Variants in INPP5D observed in about 807,000 individuals in gnomAD.
INPP5D encodes the protein phosphatidylinositol 3,4,5-trisphosphate 5-phosphatase 1.
INPP5D carries 33 observed loss-of-function variants against 122.9 expected under a neutral mutation model. The ratio of observed to expected loss-of-function variants is 0.27; its 90% CI spans 0.20 to 0.36. The LOEUF (loss-of-function observed/expected upper bound fraction) is 0.36. Ranked by LOEUF, INPP5D falls within the 10% of genes least tolerant of loss-of-function variation. The pLI is 1.00. For synonymous variants in INPP5D, 584 were observed against 576.2 expected (o/e 1.01, Z -0.19); for missense variants, 1,053 against 1,412.7 (o/e 0.75, Z 4.08).
intron 21 of INPP5D, among the ~76,000 whole-genome samples, chr2:233,186,750 T>G (rs11692918): frequency 0.2 from 22,514 of 110,326 alleles, 2,631 homozygotes; most frequent in East Asian, 0.38. Flanking sequence ...TGAGACAGAG[T>G]CTTGCTCTGT....
At chr2:233,184,232 G>A (rs1694852191) in intron 19 of INPP5D, among the ~76,000 whole-genome samples, 176 bp from the exon 20 acceptor site, 1 of 152,188 alleles carries the variant, frequency 6.6e-6, no homozygotes, top group South Asian at 2.1e-4. Flanking sequence ...GCATCAGAGA[G>A]GTTGAGGATG....
Position 233,170,479 on chromosome 2 carries a change from G to A in INPP5D, c.1792-17G>A, listed in dbSNP as rs1233070511. 3 of 1,613,628 alleles carry A rather than the reference G, an allele frequency of 1.9e-6. No individual in the cohort carries two copies. Among genetic ancestry groups the A allele is most frequent in the Non-Finnish European group, 2.5e-6 (3 of 1,179,756 alleles). On this transcript the variant is annotated splice_polypyrimidine_tract_variant and intron_variant, in intron 15 of 26. Transcript: ENST00000445964. This position sits in a 1 kb window ranked among gnomAD's most constrained non-coding sequence, Gnocchi z 4.5. The stretch of plus-strand genomic sequence containing the variant: ...GCAGGGCTTCTCACCAGAGGCCCGG[G>A]CATGTTCTTGTTCCAGGAGGCAGAA...
chr2:233,153,561 A>G (rs1197200244), intron 9 of INPP5D, among the ~76,000 whole-genome samples: 1 of 152,154 alleles, frequency 6.6e-6, no homozygotes, highest in Non-Finnish European at 1.5e-5. Context: ...AGAGACACTG[A>G]CTCACACAAA....
chr2:233,076,547 T>C (rs1691524759), intron 1 of INPP5D: 1 of 152,226 alleles, frequency 6.6e-6, no homozygotes. Flanking sequence ...GTACCCATGA[T>C]GCAAAAGCCA....
At chr2:233,084,517 T>A (rs2106214949) in intron 2 of INPP5D, among the ~76,000 whole-genome samples, 1 of 152,360 alleles carries the variant, frequency 6.6e-6, no homozygotes, top group Admixed American at 6.5e-5. Context: ...CCCTGGTCCC[T>A]GACGGTGGCT....
rs34144613 is a variant in INPP5D, at chr2:233,123,452, C to CAAAAA, written c.349+1208_349+1212dup. Among the ~76,000 whole-genome samples the CAAAAA allele has an allele frequency of 4.2e-3, 498 of 117,726 alleles. 3 individuals carry two copies. Among genetic ancestry groups the CAAAAA allele is most frequent in the East Asian group, 0.015 (58 of 3,742 alleles). 77.2% of individuals were successfully genotyped at this position (117,726 alleles called of 152,430 possible). A position where few individuals can be genotyped will look rare whatever the true frequency, so the allele number is the denominator to read the frequency against. The stretch of plus-strand genomic sequence containing the variant: ...CTGGCAACAGAGGGAGACTCCGTCT[C>CAAAAA]AAAAAAAAAAAAAAAAATTATACAG... On this transcript the variant is annotated intron_variant, in intron 3 of 26. Coordinates refer to ENST00000445964, the MANE Select transcript of INPP5D (RefSeq NM_001017915.3).
intron 2 of INPP5D, among the ~76,000 whole-genome samples, chr2:233,081,980 GAC>G (rs747667394): frequency 7.7e-4 from 118 of 152,272 alleles, no homozygotes; most frequent in Middle Eastern, 6.8e-3. Flanking sequence ...CAGAGATGGG[GAC>G]AGAGTCGTGG....
chr2:233,084,118 G>A lies in INPP5D; in HGVS notation c.198+4720G>A, dbSNP rs1193871596. On this transcript the variant is annotated intron_variant, in intron 2 of 26. Coordinates refer to ENST00000445964, the MANE Select transcript of INPP5D (RefSeq NM_001017915.3). ...AGACCAGGCTGGAGTGCAGTGGCGC[G>A]ACCTCGGCTCACTGCAACCTCTGCT... Among the ~76,000 whole-genome samples the A allele has an allele frequency of 2.0e-5, 3 of 152,138 alleles. No individual in the cohort carries two copies. In the South Asian group the frequency reaches 6.2e-4, roughly 31 times the overall value.
At chr2:233,150,271 G>A (rs570575723) in intron 9 of INPP5D, among the ~76,000 whole-genome samples, 22 of 152,300 alleles carry the variant, frequency 1.4e-4, no homozygotes, top group African/African-American at 4.8e-4. Flanking sequence ...TCTCATGGTA[G>A]TGAATAAATC....
At chr2:233,146,554 C>T (rs548535888) in intron 8 of INPP5D, 116 bp downstream of exon 8, 22 of 683,878 alleles carry the variant, frequency 3.2e-5, no homozygotes, top group South Asian at 1.8e-4. Context: ...GAGCAGGGAG[C>T]GCATTAGCCA....
At chr2:233,104,955 A>T (rs951779516) in intron 2 of INPP5D, among the ~76,000 whole-genome samples, 1 of 152,168 alleles carries the variant, frequency 6.6e-6, no homozygotes, top group Non-Finnish European at 1.5e-5. Flanking sequence ...GCCTGATCTC[A>T]CAGGAGCTGT....
intron 2 of INPP5D, among the ~76,000 whole-genome samples, chr2:233,092,845 C>T (rs908675380): frequency 3.3e-5 from 5 of 152,178 alleles, no homozygotes; most frequent in Non-Finnish European, 5.9e-5. Context: ...GTGGCTCCCA[C>T]GTAGCCAGGG....
At chr2:233,161,071 A>G (rs1004604070) in intron 10 of INPP5D, among the ~76,000 whole-genome samples, 1 of 152,102 alleles carries the variant, frequency 6.6e-6, no homozygotes, top group Non-Finnish European at 1.5e-5. Flanking sequence ...ACACTGTGAT[A>G]TTCTAGTTTA....
At position 233,082,019 on chromosome 2, in the gene INPP5D, G is replaced by A. The variant is rs1303934690; in HGVS notation, c.198+2621G>A. On this transcript the variant is annotated intron_variant, in intron 2 of 26. Transcript: ENST00000445964. The surrounding 1 kb of genome is among the most constrained non-coding windows in gnomAD (Gnocchi z 4.7). ...GGCAGCGTGCCTCCTTAAGGTCTCC[G>A]CTTAGCCAGGACAGTGGGCGGGCAG... Among the ~76,000 whole-genome samples, 2 of 152,098 alleles carry A rather than the reference G, an allele frequency of 1.3e-5. No homozygotes were observed. Among genetic ancestry groups the A allele is most frequent in the East Asian group, 1.9e-4 (1 of 5,186 alleles).
Position 233,124,754 on chromosome 2 carries a change from C to T in INPP5D, c.350-991C>T, listed in dbSNP as rs560818392. ...GGCATGGCTGTCTGGAGGAAGATCC[C>T]GACAAGTTTCTGTGAGGGCTGAAAA... On this transcript the variant is annotated intron_variant, in intron 3 of 26. Coordinates refer to ENST00000445964, the MANE Select transcript of INPP5D (RefSeq NM_001017915.3). Among the ~76,000 whole-genome samples the T allele has an allele frequency of 2.2e-4, 33 of 152,374 alleles. No individual in the cohort carries two copies. In the East Asian group the frequency reaches 6.0e-3, roughly 28 times the overall value.
chr2:233,172,308 G>A (rs1460447056), intron 17 of INPP5D, among the ~76,000 whole-genome samples: 1 of 152,222 alleles, frequency 6.6e-6, no homozygotes, highest in African/African-American at 2.4e-5. Context: ...TAGATGCCAG[G>A]ATGACAGGCC....
Position 233,164,239 on chromosome 2 carries a change from G to T in INPP5D, c.1438-68G>T. ...CCAGGGGCTGCGGCTGGGGCTGGGT[G>T]TGAATCACTGTGCCCTGGTTCACAC... On this transcript the variant is annotated intron_variant, in intron 12 of 26. Coordinates refer to ENST00000445964, the MANE Select transcript of INPP5D (RefSeq NM_001017915.3). This position sits in a 1 kb window ranked among gnomAD's most constrained non-coding sequence, Gnocchi z 4.3. 1 of 1,490,324 alleles carries T rather than the reference G, an allele frequency of 6.7e-7. No homozygotes were observed. Among genetic ancestry groups the T allele is most frequent in the Admixed American group, 2.1e-5 (1 of 47,490 alleles). 92.3% of individuals were successfully genotyped at this position (1,490,324 alleles called of 1,614,324 possible). A position where few individuals can be genotyped will look rare whatever the true frequency, so the allele number is the denominator to read the frequency against.
chr2:233,062,494 A>G (rs778450792), intron 1 of INPP5D, among the ~76,000 whole-genome samples: 21 of 152,222 alleles, frequency 1.4e-4, no homozygotes, highest in Non-Finnish European at 2.4e-4. Context: ...GCTGGGATCC[A>G]GGCCAGTTCT....
intron 2 of INPP5D, among the ~76,000 whole-genome samples, chr2:233,102,111 CAG>C (rs1692331321): frequency 1.3e-5 from 2 of 152,244 alleles, no homozygotes; most frequent in South Asian, 4.1e-4. Context: ...GGTTTGGTCT[CAG>C]AGAGTTAGAT....
Sources: allele counts gnomAD v4.1 joint callset (sites outside exome capture counted in the v4.1 genomes callset), GRCh38; gene constraint gnomAD v4.1.1; non-coding constraint Gnocchi (gnomAD v3.1); transcripts MANE v1.5; gene names NCBI Gene and HGNC (gene_info 2026-07-23, HGNC 2026-07-21).